The following RHBDL2 variants were observed in gnomAD, a reference collection of about 807,000 sequenced individuals.
RHBDL2 encodes the protein rhomboid like 2.
RHBDL2 carries 26 observed loss-of-function variants against 31.7 expected under a neutral mutation model. The observed-to-expected ratio is 0.82, with a 90% confidence interval of 0.60 to 1.14. The LOEUF is 1.14. Among genes scored for constraint, RHBDL2 ranks in the 50% most tolerant of loss-of-function variants. The pLI, the probability that RHBDL2 is intolerant of heterozygous loss-of-function variation, is 0.00. For synonymous variants in RHBDL2, 123 were observed against 127.2 expected, an observed-to-expected ratio of 0.97 and a Z score of 0.22; for missense variants, 336 against 364.4, an observed-to-expected ratio of 0.92 and a Z score of 0.63.
At chr1:38,910,288 G>A (rs1643122471) in intron 4 of RHBDL2, among the ~76,000 whole-genome samples, 1 of 152,146 alleles carries the variant, frequency 6.6e-6, no homozygotes, top group South Asian at 2.1e-4. Flanking sequence ...TATCAACGTG[G>A]ATATCCTAGT....
At chr1:38,941,050 G>A (rs973540496) in intron 1 of RHBDL2, among the ~76,000 whole-genome samples, 1 of 152,184 alleles carries the variant, frequency 6.6e-6, no homozygotes, top group African/African-American at 2.4e-5. Context: ...TGAGCAATAA[G>A]TTTCAGTTTT....
intron 3 of RHBDL2, among the ~76,000 whole-genome samples, chr1:38,914,736 A>T (rs549942497): frequency 2.0e-4 from 31 of 151,982 alleles, no homozygotes; most frequent in African/African-American, 6.7e-4. Flanking sequence ...TGCAATATAA[A>T]GTATACTGGC....
chr1:38,904,802 C>T (rs1325516981), intron 4 of RHBDL2, among the ~76,000 whole-genome samples: 4 of 149,668 alleles, frequency 2.7e-5, no homozygotes, highest in East Asian at 2.0e-4. Context: ...GAGGCCGAGG[C>T]GGGCGGATCA....
At chr1:38,917,106 C>T (rs1437315859) in intron 2 of RHBDL2, among the ~76,000 whole-genome samples, 1 of 149,414 alleles carries the variant, frequency 6.7e-6, no homozygotes, top group Non-Finnish European at 1.5e-5. Flanking sequence ...CAAGTTCTGC[C>T]TCCTGGGTTC....
chr1:38,918,912 T>G, intron 2 of RHBDL2, 55 bp downstream of exon 2: 1 of 1,576,606 alleles, frequency 6.3e-7, no homozygotes, highest in Non-Finnish European at 8.6e-7. Flanking sequence ...ACCCCTAGTT[T>G]GTTCCCAGCT....
At chr1:38,931,548 A>G (rs1325290558) in intron 1 of RHBDL2, among the ~76,000 whole-genome samples, 1 of 152,164 alleles carries the variant, frequency 6.6e-6, no homozygotes, top group East Asian at 1.9e-4. Context: ...AGAAAAAAGA[A>G]AAAAGAAATC....
At chr1:38,918,166 G>A (rs539645422) in intron 2 of RHBDL2, among the ~76,000 whole-genome samples, 35 of 152,162 alleles carry the variant, frequency 2.3e-4, no homozygotes, top group Non-Finnish European at 2.5e-4. Context: ...CTTCCCCCAG[G>A]GAACACACAC....
intron 7 of RHBDL2, 51 bp from the exon 8 acceptor site, chr1:38,886,734 T>G: frequency 7.3e-7 from 1 of 1,378,134 alleles, no homozygotes; most frequent in Non-Finnish European, 9.8e-7. Flanking sequence ...ATGCTAATTG[T>G]GTATTTCAGT....
At chr1:38,907,259 G>T (rs566228044) in intron 4 of RHBDL2, among the ~76,000 whole-genome samples, 74 of 152,326 alleles carry the variant, frequency 4.9e-4, no homozygotes, top group African/African-American at 1.7e-3. Context: ...AAAAGTAAAG[G>T]CCAGGTGCAG....
At chr1:38,922,158 A>T (rs189488044) in intron 1 of RHBDL2, among the ~76,000 whole-genome samples, 107 of 152,142 alleles carry the variant, frequency 7.0e-4, no homozygotes, top group African/African-American at 2.4e-3. Flanking sequence ...GCCAAAACTC[A>T]CTGCATGTCT....
intron 1 of RHBDL2, among the ~76,000 whole-genome samples, chr1:38,920,910 T>G (rs1416967790): frequency 6.6e-6 from 1 of 151,120 alleles, no homozygotes; most frequent in Admixed American, 6.6e-5. Context: ...CCACCGCACC[T>G]GGCACAAGTT....
At chr1:38,908,194 AT>A (rs1643092799) in intron 4 of RHBDL2, among the ~76,000 whole-genome samples, 2 of 151,298 alleles carry the variant, frequency 1.3e-5, no homozygotes, top group African/African-American at 4.9e-5. Context: ...ATTCAACATC[AT>A]TAGCCATTAG....
At chr1:38,911,581 C>CT (rs1199965375) in intron 3 of RHBDL2, 147 bp from the exon 4 acceptor site, 12 of 619,202 alleles carry the variant, frequency 1.9e-5, no homozygotes, top group Middle Eastern at 6.4e-4. Context: ...GCAGACAACT[C>CT]TTTTTTTCTT....
At chr1:38,891,823 T>C (rs1036424687) in intron 6 of RHBDL2, among the ~76,000 whole-genome samples, 1 of 152,228 alleles carries the variant, frequency 6.6e-6, no homozygotes, top group African/African-American at 2.4e-5. Context: ...TTTCTTACTA[T>C]GTGGACAGCC....
intron 6 of RHBDL2, among the ~76,000 whole-genome samples, chr1:38,890,860 C>T (rs1348574395): frequency 6.6e-6 from 1 of 152,168 alleles, no homozygotes; most frequent in Non-Finnish European, 1.5e-5. Context: ...ACCGCAACAC[C>T]TGACCAATTT....
chr1:38,910,471 G>A (rs187350053), intron 4 of RHBDL2, among the ~76,000 whole-genome samples: 1 of 152,252 alleles, frequency 6.6e-6, no homozygotes, highest in African/African-American at 2.4e-5. Context: ...CAAATGGATG[G>A]ATGGGAGTTC....
At chr1:38,924,463 G>A (rs1246088982) in intron 1 of RHBDL2, among the ~76,000 whole-genome samples, 4 of 151,896 alleles carry the variant, frequency 2.6e-5, no homozygotes, top group Non-Finnish European at 5.9e-5. Flanking sequence ...GCGTGGTGGC[G>A]GGCGCCTGTA....
rs61650964 is a variant in RHBDL2 at position 38,901,250 on chromosome 1, G to A, written c.509-5181C>T. 5.1e-4 allele frequency among the ~76,000 whole-genome samples: 77 copies of A among 151,798 alleles called. No homozygotes were observed. In the East Asian group the frequency reaches 7.4e-3, roughly 15 times the overall value. ...GGACAAGGCAGGCAGATCTCCTGAG[G>A]TCAGGAGTTCAAGACAACCTGGCCA... On this transcript the variant is annotated intron_variant, in intron 4 of 7. Coordinates refer to ENST00000372990, the MANE Select transcript of RHBDL2 (RefSeq NM_017821.5).
At chr1:38,931,479 G>A (rs924676540) in intron 1 of RHBDL2, among the ~76,000 whole-genome samples, 1 of 151,302 alleles carries the variant, frequency 6.6e-6, no homozygotes, top group East Asian at 1.9e-4. Flanking sequence ...CCGAGATCAC[G>A]CCACTGCACT....
Sources: gnomAD v4.1 joint callset for allele counts (sites outside exome capture counted in the v4.1 genomes callset) on GRCh38, gnomAD v4.1.1 for gene constraint, MANE v1.5 for transcripts, NCBI Gene and HGNC (gene_info 2026-07-23, HGNC 2026-07-21) for gene names.